The following SLC24A2 variants were observed in gnomAD, a reference collection of about 807,000 sequenced individuals.
SLC24A2 encodes the protein sodium/potassium/calcium exchanger 2.
SLC24A2 carries 36 observed loss-of-function variants against 62.0 expected under a neutral mutation model. That is an observed-to-expected ratio of 0.58 (90% CI 0.44 to 0.77). SLC24A2 has a LOEUF of 0.77. Ranked by LOEUF, SLC24A2 falls within the 30% of genes least tolerant of loss-of-function variation. SLC24A2 has a pLI of 0.00. For synonymous variants in SLC24A2, 358 were observed against 294.0 expected, an observed-to-expected ratio of 1.22 and a Z score of -2.23; for missense variants, 846 against 817.9, an observed-to-expected ratio of 1.03 and a Z score of -0.42.
intron 2 of SLC24A2, among the ~76,000 whole-genome samples, chr9:19,657,375 G>A (rs1257104631): frequency 6.6e-6 from 1 of 151,742 alleles, no homozygotes; most frequent in Non-Finnish European, 1.5e-5. Context: ...TTTTTTTCAT[G>A]TTTTTATTTT....
the SLC24A2 span, among the ~76,000 whole-genome samples, chr9:19,813,757 G>C: frequency 1.3e-5 from 2 of 152,090 alleles, no homozygotes; most frequent in Admixed American, 1.3e-4. Flanking sequence ...GGTCAGGAAG[G>C]TGCAGACCCC....
At chr9:19,533,645 C>G (rs918521495) in intron 8 of SLC24A2, among the ~76,000 whole-genome samples, 6 of 152,220 alleles carry the variant, frequency 3.9e-5, no homozygotes, top group Non-Finnish European at 7.3e-5. Context: ...TTCAATAGCC[C>G]TGTACCAACC....
At chr9:19,888,992 C>T in the SLC24A2 span, among the ~76,000 whole-genome samples, 3 of 152,218 alleles carry the variant, frequency 2.0e-5, no homozygotes, top group African/African-American at 7.2e-5. Context: ...GAGCCACACA[C>T]ACCCCTGGCT....
chr9:19,630,316 AG>A (rs1457536047), intron 2 of SLC24A2, among the ~76,000 whole-genome samples: 1 of 152,200 alleles, frequency 6.6e-6, no homozygotes, highest in Non-Finnish European at 1.5e-5. Context: ...CACTGAGCAA[AG>A]GGCATTAGAT....
chr9:19,861,464 G>A, the SLC24A2 span, among the ~76,000 whole-genome samples: 1 of 152,066 alleles, frequency 6.6e-6, no homozygotes, highest in African/African-American at 2.4e-5. Flanking sequence ...TTCCCAAGAA[G>A]GATGGGCACA....
chr9:20,030,554 A>G, the SLC24A2 span, among the ~76,000 whole-genome samples: 1 of 152,194 alleles, frequency 6.6e-6, no homozygotes, highest in Non-Finnish European at 1.5e-5. Context: ...CATTTCCTGT[A>G]TGCCTATGAT....
chr9:20,298,009 G>GA, the SLC24A2 span, among the ~76,000 whole-genome samples: 1 of 152,168 alleles, frequency 6.6e-6, no homozygotes, highest in Admixed American at 6.5e-5. Context: ...AGCACTGGTG[G>GA]AGGCAAACTC....
chr9:20,169,925 C>CA, the SLC24A2 span, among the ~76,000 whole-genome samples: 1 of 151,552 alleles, frequency 6.6e-6, no homozygotes, highest in African/African-American at 2.4e-5. Context: ...TTAAATAAAT[C>CA]AAAAAAGTGA....
the SLC24A2 span, among the ~76,000 whole-genome samples, chr9:19,856,510 ATC>A: frequency 6.6e-6 from 1 of 151,714 alleles, no homozygotes; most frequent in East Asian, 1.9e-4. Context: ...GTTGCTGTTT[ATC>A]TGTTTTTATT....
At chr9:19,623,568 T>A (rs1257810767) in intron 2 of SLC24A2, among the ~76,000 whole-genome samples, 1 of 152,238 alleles carries the variant, frequency 6.6e-6, no homozygotes, top group Non-Finnish European at 1.5e-5. Context: ...ATTTGCTATG[T>A]GCCAATCATT....
upstream of SLC24A2, among the ~76,000 whole-genome samples, chr9:19,791,773 C>CAGTA (rs1176046151): frequency 6.6e-6 from 1 of 152,188 alleles, no homozygotes; most frequent in African/African-American, 2.4e-5. Context: ...AGTTATTAAA[C>CAGTA]AGTAGCATTT....
chr9:19,518,986 TAA>T (rs942818883), intron 10 of SLC24A2, among the ~76,000 whole-genome samples: 2 of 152,112 alleles, frequency 1.3e-5, no homozygotes, highest in Admixed American at 6.5e-5. Flanking sequence ...AACAAATAAT[TAA>T]AAGAGGAGGT....
chr9:19,878,962 A>G, the SLC24A2 span, among the ~76,000 whole-genome samples: 2 of 152,210 alleles, frequency 1.3e-5, no homozygotes, highest in African/African-American at 2.4e-5. Context: ...ACAACACTCC[A>G]TAATTCAAAA....
chr9:20,162,763 A>G, the SLC24A2 span, among the ~76,000 whole-genome samples: 1 of 152,160 alleles, frequency 6.6e-6, no homozygotes, highest in South Asian at 2.1e-4. Context: ...CCAGCAGCAC[A>G]TCAAAAAGCT....
chr9:20,065,899 C>T, the SLC24A2 span, among the ~76,000 whole-genome samples: 2 of 152,140 alleles, frequency 1.3e-5, no homozygotes, highest in African/African-American at 4.8e-5. Flanking sequence ...AAAGTCCTCC[C>T]GGGAATTCTT....
chr9:19,922,958 C>G, the SLC24A2 span, among the ~76,000 whole-genome samples: 10 of 148,810 alleles, frequency 6.7e-5, no homozygotes, highest in Non-Finnish European at 1.0e-4. Context: ...GTGTGTTGGC[C>G]TAAAGATGAA....
At chr9:20,297,329 TGAA>T in the SLC24A2 span, among the ~76,000 whole-genome samples, 1 of 152,038 alleles carries the variant, frequency 6.6e-6, no homozygotes, top group South Asian at 2.1e-4. Flanking sequence ...TTAACCCTGA[TGAA>T]GGAGAGAAAC....
the SLC24A2 span, among the ~76,000 whole-genome samples, chr9:20,109,869 C>T: frequency 6.6e-6 from 1 of 152,168 alleles, no homozygotes; most frequent in Non-Finnish European, 1.5e-5. Flanking sequence ...TTCTTTCAGT[C>T]ATATGGGATG....
At chr9:20,221,408 A>G in the SLC24A2 span, among the ~76,000 whole-genome samples, 5 of 152,116 alleles carry the variant, frequency 3.3e-5, no homozygotes, top group African/African-American at 1.2e-4. Flanking sequence ...GAAAGTTACC[A>G]TGAAAGAAAC....
Sources: gnomAD v4.1 joint callset for allele counts (sites outside exome capture counted in the v4.1 genomes callset) on GRCh38, gnomAD v4.1.1 for gene constraint, MANE v1.5 for transcripts, NCBI Gene and HGNC (gene_info 2026-07-23, HGNC 2026-07-21) for gene names.